C4orf36: variants seen among roughly 807,000 people sequenced by gnomAD.
C4orf36 encodes chromosome 4 open reading frame 36, also known as uncharacterized protein C4orf36.
In C4orf36, 11 loss-of-function variants were observed where a neutral mutation model predicts 12.2. The ratio of observed to expected loss-of-function variants is 0.90; its 90% confidence interval spans 0.57 to 1.49. The LOEUF (loss-of-function observed/expected upper bound fraction) is 1.49. Among genes scored for constraint, C4orf36 ranks in the 40% most tolerant of loss-of-function variants. The pLI is 0.00. For missense variants in C4orf36, 137 were observed against 133.9 expected (o/e 1.02, Z -0.11); for synonymous variants, 54 against 51.3 (o/e 1.05, Z -0.22).
At chr4:86,909,818 C>T in the C4orf36 span, among the ~76,000 whole-genome samples, 68 of 146,832 alleles carry the variant, frequency 4.6e-4, no homozygotes, top group Non-Finnish European at 8.2e-4. Flanking sequence ...ACAAGCTCTT[C>T]GCCCAGAAAG....
chr4:86,918,209 G>C, the C4orf36 span, among the ~76,000 whole-genome samples: 1 of 152,192 alleles, frequency 6.6e-6, no homozygotes, highest in East Asian at 1.9e-4. Context: ...TATCACCTTG[G>C]GGGTAAGGAT....
chr4:86,917,148 C>T, the C4orf36 span, among the ~76,000 whole-genome samples: 1 of 152,198 alleles, frequency 6.6e-6, no homozygotes, highest in Non-Finnish European at 1.5e-5. Context: ...GGCTTGGTGG[C>T]GTGTGCCTGC....
chr4:86,923,924 T>C, the C4orf36 span, among the ~76,000 whole-genome samples: 1 of 152,220 alleles, frequency 6.6e-6, no homozygotes, highest in Admixed American at 6.5e-5. Flanking sequence ...TCATGTCATA[T>C]TAATATTTTC....
At chr4:86,919,407 C>G in the C4orf36 span, among the ~76,000 whole-genome samples, 1 of 143,362 alleles carries the variant, frequency 7.0e-6, no homozygotes, top group East Asian at 2.2e-4. Context: ...ACTGCAACCT[C>G]TACCTCCTGG....
At chr4:86,921,686 A>T in the C4orf36 span, among the ~76,000 whole-genome samples, 1 of 152,094 alleles carries the variant, frequency 6.6e-6, no homozygotes, top group Non-Finnish European at 1.5e-5. Flanking sequence ...GCATAATGTA[A>T]AATTTATCAT....
chr4:86,933,016 T>C, the C4orf36 span: 1 of 152,260 alleles, frequency 6.6e-6, no homozygotes, highest in African/African-American at 2.4e-5. Flanking sequence ...TGTTTATGTC[T>C]GAAATTTAAA....
chr4:86,890,049 G>A (rs548793342), intron 2 of C4orf36: 29 of 454,288 alleles, frequency 6.4e-5, no homozygotes, highest in African/African-American at 1.6e-4. Flanking sequence ...CAAACTCACC[G>A]GGCACAGTGG....
chr4:86,917,967 C>A, the C4orf36 span, among the ~76,000 whole-genome samples: 4 of 152,204 alleles, frequency 2.6e-5, no homozygotes, highest in Admixed American at 6.5e-5. Context: ...TGGGACCATC[C>A]GTCATTGACC....
chr4:86,903,966 T>C, the C4orf36 span, among the ~76,000 whole-genome samples: 43 of 152,256 alleles, frequency 2.8e-4, no homozygotes, highest in African/African-American at 7.2e-4. Context: ...AGAGCGCTGA[T>C]TGGTGCGTTC....
the C4orf36 span, among the ~76,000 whole-genome samples, chr4:86,903,481 G>T: frequency 1.3e-5 from 2 of 152,202 alleles, no homozygotes; most frequent in African/African-American, 4.8e-5. Flanking sequence ...TAAAAGCAGC[G>T]CATCTGGAAT....
the C4orf36 span, among the ~76,000 whole-genome samples, chr4:86,919,119 GGAGA>G: frequency 2.6e-3 from 373 of 145,342 alleles, 2 homozygotes; most frequent in East Asian, 0.025. Flanking sequence ...CCCAGCTCCA[GGAGA>G]GAGAGAGAGA....
At chr4:86,889,663 GGAGGCA>G (rs112335123) in intron 2 of C4orf36, among the ~76,000 whole-genome samples, 12 of 152,212 alleles carry the variant, frequency 7.9e-5, no homozygotes, top group East Asian at 5.8e-4. Flanking sequence ...CAGCACTTTG[GGAGGCA>G]GAGGCAGAGG....
upstream of C4orf36, among the ~76,000 whole-genome samples, chr4:86,897,178 T>C (rs1320590167): frequency 1.3e-5 from 2 of 151,966 alleles, no homozygotes; most frequent in Non-Finnish European, 2.9e-5. Context: ...CTGAGCAACA[T>C]GGCAAAACCC....
the C4orf36 span, among the ~76,000 whole-genome samples, chr4:86,904,109 G>T: frequency 6.6e-6 from 1 of 152,234 alleles, no homozygotes; most frequent in African/African-American, 2.4e-5. Context: ...GCTGGCACTC[G>T]CCGGGACTTT....
chr4:86,885,255 G>T (rs1007164721), intron 4 of C4orf36, among the ~76,000 whole-genome samples: 1 of 152,104 alleles, frequency 6.6e-6, no homozygotes, highest in Non-Finnish European at 1.5e-5. Flanking sequence ...GTAGCTTGAT[G>T]GGGATGGCAT....
chr4:86,895,378 A>C (rs1308904978), upstream of C4orf36, among the ~76,000 whole-genome samples: 1 of 152,198 alleles, frequency 6.6e-6, no homozygotes, highest in Non-Finnish European at 1.5e-5. Flanking sequence ...ATGGTTACAC[A>C]ACAATAGATA....
chr4:86,909,724 A>C, the C4orf36 span, among the ~76,000 whole-genome samples: 1 of 151,998 alleles, frequency 6.6e-6, no homozygotes, highest in Non-Finnish European at 1.5e-5. Context: ...CAACACCTCA[A>C]ATCCCCTGCC....
At chr4:86,887,490 CA>C (rs886586771) in intron 4 of C4orf36, 7 of 315,344 alleles carry the variant, frequency 2.2e-5, no homozygotes, top group African/African-American at 1.5e-4. Flanking sequence ...TGCAATTTTA[CA>C]AAAATTAAAA....
At chr4:86,936,203 G>T in the C4orf36 span, 18 of 152,348 alleles carry the variant, frequency 1.2e-4, no homozygotes, top group African/African-American at 4.1e-4. Context: ...TTGCAGCCAA[G>T]TGATTTGTTT....
Sources: gnomAD v4.1 joint callset for allele counts (sites outside exome capture counted in the v4.1 genomes callset) on GRCh38, gnomAD v4.1.1 for gene constraint, MANE v1.5 for transcripts, NCBI Gene and HGNC (gene_info 2026-07-23, HGNC 2026-07-21) for gene names.